The following PSMA8 variants were observed in gnomAD, a reference collection of about 807,000 sequenced individuals.
The protein encoded by PSMA8 is proteasome 20S subunit alpha 8.
A neutral mutation model predicts 32.4 loss-of-function variants in PSMA8; 18 were observed. That is an observed-to-expected ratio of 0.56 (90% CI 0.38 to 0.82). The LOEUF is 0.82. Among genes scored for constraint, PSMA8 ranks in the 40% least tolerant of loss-of-function variants. The pLI is 0.00. For synonymous variants in PSMA8, 104 were observed against 98.1 expected (o/e 1.06, Z -0.36); for missense variants, 298 against 300.7 (o/e 0.99, Z 0.07).
chr18:26,190,326 G>A (rs1235652335), intron 6 of PSMA8, among the ~76,000 whole-genome samples: 1 of 152,178 alleles, frequency 6.6e-6, no homozygotes, highest in African/African-American at 2.4e-5. Context: ...ATAAATGCTT[G>A]AGGGGATGGA....
intron 1 of PSMA8, among the ~76,000 whole-genome samples, chr18:26,138,699 C>T (rs2054931635): frequency 6.6e-6 from 1 of 152,078 alleles, no homozygotes; most frequent in Non-Finnish European, 1.5e-5. Context: ...AGTTAGTATT[C>T]TGTGGAAATA....
chr18:26,177,790 C>T (rs147964300), intron 4 of PSMA8, among the ~76,000 whole-genome samples: 2 of 152,186 alleles, frequency 1.3e-5, no homozygotes, highest in Admixed American at 1.3e-4. Context: ...GTGCTCAGCC[C>T]AACTTAGGTA....
intron 1 of PSMA8, chr18:26,140,105 A>G: frequency 1.4e-6 from 1 of 702,996 alleles, no homozygotes; most frequent in East Asian, 2.7e-5. Flanking sequence ...TGCACATTTG[A>G]AAAAGTAAGT....
At chr18:26,151,080 C>G (rs1199211641) in intron 2 of PSMA8, among the ~76,000 whole-genome samples, 1 of 152,110 alleles carries the variant, frequency 6.6e-6, no homozygotes, top group Non-Finnish European at 1.5e-5. Flanking sequence ...GTAGCATATT[C>G]ATATTAACTA....
At chr18:26,153,893 A>T (rs2055066110) in intron 3 of PSMA8, among the ~76,000 whole-genome samples, 1 of 151,630 alleles carries the variant, frequency 6.6e-6, no homozygotes, top group African/African-American at 2.4e-5. Context: ...CATTTGTTTT[A>T]TTTTTATTTT....
intron 6 of PSMA8, among the ~76,000 whole-genome samples, chr18:26,190,681 A>G (rs1317987887): frequency 6.6e-6 from 1 of 152,216 alleles, no homozygotes; most frequent in African/African-American, 2.4e-5. Context: ...CCCAGGAGGC[A>G]GAGGTTGCAG....
At position 26,170,877 on chromosome 18, in the gene PSMA8, G is replaced by C. The variant is rs2055215081; in HGVS notation, c.478-7953G>C. On this transcript the variant is annotated intron_variant, in intron 4 of 6. Coordinates refer to ENST00000415576, the MANE Select transcript of PSMA8 (RefSeq NM_001025096.2). ...ACTTTCAAAGTCTTGCATGATCCTT[G>C]TCACAAATAGTTTAAGATGGCCTGG... The C allele has an allele frequency of 4.5e-6, 7 of 1,559,350 alleles. 1 individual carries two copies. In the South Asian group the frequency reaches 7.8e-5, roughly 17 times the overall value.
intron 1 of PSMA8, among the ~76,000 whole-genome samples, chr18:26,134,372 T>G (rs1363333378): frequency 1.3e-5 from 2 of 150,726 alleles, no homozygotes; most frequent in African/African-American, 4.9e-5. Context: ...TGTCTCTGTG[T>G]GTGTGTGTGT....
chr18:26,156,169 A>C (rs1036620707), intron 3 of PSMA8, among the ~76,000 whole-genome samples: 1 of 152,234 alleles, frequency 6.6e-6, no homozygotes, highest in African/African-American at 2.4e-5. Context: ...GCAAGGATAC[A>C]GAGAAAGGGG....
chr18:26,156,158 G>C (rs2055087173), intron 3 of PSMA8, among the ~76,000 whole-genome samples: 2 of 152,096 alleles, frequency 1.3e-5, no homozygotes, highest in African/African-American at 4.8e-5. Context: ...AACAAATGCT[G>C]GCAAGGATAC....
chr18:26,142,777 C>T (rs988631980), intron 1 of PSMA8, among the ~76,000 whole-genome samples: 10 of 152,196 alleles, frequency 6.6e-5, no homozygotes, highest in Admixed American at 1.3e-4. Flanking sequence ...TGGTGGAAAG[C>T]GCAAACAAGC....
intron 6 of PSMA8, among the ~76,000 whole-genome samples, chr18:26,181,865 A>G (rs1415339875): frequency 6.7e-6 from 1 of 149,624 alleles, no homozygotes; most frequent in Non-Finnish European, 1.5e-5. Context: ...CGGAGGTTGC[A>G]GTGAGCTGAG....
chr18:26,142,259 T>A (rs2054964555), intron 1 of PSMA8, among the ~76,000 whole-genome samples: 1 of 152,082 alleles, frequency 6.6e-6, no homozygotes, highest in Admixed American at 6.5e-5. Context: ...CAGGATGGTC[T>A]CTATCTCCTG....
chr18:26,185,853 T>C (rs2144357376), intron 6 of PSMA8, among the ~76,000 whole-genome samples: 1 of 150,906 alleles, frequency 6.6e-6, no homozygotes, highest in East Asian at 2.0e-4. Flanking sequence ...TTTGTTTTCA[T>C]TTTTAATGGA....
chr18:26,138,424 C>T (rs1245457056), intron 1 of PSMA8, among the ~76,000 whole-genome samples: 2 of 152,094 alleles, frequency 1.3e-5, no homozygotes, highest in Non-Finnish European at 2.9e-5. Context: ...ACAGAGAAAG[C>T]CTTTCCACAT....
intron 4 of PSMA8, chr18:26,170,643 C>CA (rs2055213009): frequency 3.0e-6 from 3 of 1,002,456 alleles, no homozygotes; most frequent in Non-Finnish European, 4.2e-6. Context: ...CTAAAGTCAA[C>CA]AAAAAACCTT....
chr18:26,150,561 A>G (rs1174416903), intron 2 of PSMA8, among the ~76,000 whole-genome samples: 5 of 152,136 alleles, frequency 3.3e-5, no homozygotes, highest in African/African-American at 1.2e-4. Flanking sequence ...GCTAGTCGCA[A>G]ACACCTGGCT....
intron 6 of PSMA8, among the ~76,000 whole-genome samples, chr18:26,183,501 G>A (rs1169761835): frequency 2.0e-5 from 3 of 150,830 alleles, no homozygotes; most frequent in East Asian, 2.0e-4. Flanking sequence ...CTTTAGTGGA[G>A]GAAGTCACTG....
At chr18:26,150,534 C>G (rs2055037849) in intron 2 of PSMA8, among the ~76,000 whole-genome samples, 1 of 152,032 alleles carries the variant, frequency 6.6e-6, no homozygotes, top group Non-Finnish European at 1.5e-5. Flanking sequence ...AAACCGGGGT[C>G]TCTCTGCGTT....
Sources: gnomAD v4.1 joint callset for allele counts (sites outside exome capture counted in the v4.1 genomes callset) on GRCh38, gnomAD v4.1.1 for gene constraint, MANE v1.5 for transcripts, NCBI Gene and HGNC (gene_info 2026-07-23, HGNC 2026-07-21) for gene names.